PIK3C2G: variants seen among roughly 807,000 people sequenced by gnomAD.
PIK3C2G encodes the protein phosphatidylinositol 3-kinase C2 domain-containing subunit gamma.
Under a neutral mutation model 181.1 loss-of-function variants are expected in PIK3C2G, and 168 were observed. That is an observed-to-expected ratio of 0.93 (90% CI 0.82 to 1.05). The LOEUF is 1.05. PIK3C2G is among the 50% of genes least tolerant of loss of function. PIK3C2G has a pLI of 0.00. For missense variants in PIK3C2G, 1,869 were observed against 1,732.8 expected (o/e 1.08, Z -1.40); for synonymous variants, 573 against 592.2 (o/e 0.97, Z 0.47).
the PIK3C2G span, chr12:18,683,517 G>T: frequency 6.6e-7 from 1 of 1,506,700 alleles, no homozygotes; most frequent in South Asian, 1.2e-5. Context: ...CTTCCTAACT[G>T]CCCAAAACTG....
intron 29 of PIK3C2G, among the ~76,000 whole-genome samples, chr12:18,577,557 A>G (rs1348443857): frequency 6.6e-6 from 1 of 152,232 alleles, no homozygotes; most frequent in African/African-American, 2.4e-5. Context: ...ATCATCAAAC[A>G]TGAAGTACTG....
intron 18 of PIK3C2G, among the ~76,000 whole-genome samples, chr12:18,435,035 G>T (rs1461680020): frequency 1.3e-5 from 2 of 150,330 alleles, no homozygotes; most frequent in Non-Finnish European, 3.0e-5. Flanking sequence ...TATTTATGTA[G>T]CCATGGTATA....
At chr12:18,409,589 A>C (rs1269706695) in intron 16 of PIK3C2G, among the ~76,000 whole-genome samples, 1 of 152,142 alleles carries the variant, frequency 6.6e-6, no homozygotes, top group South Asian at 2.1e-4. Context: ...TTAGGAAGCA[A>C]TGGAAGTAGT....
At chr12:18,652,384 G>T (rs1444522852), downstream of PIK3C2G, among the ~76,000 whole-genome samples, 1 of 152,108 alleles carries the variant, frequency 6.6e-6, no homozygotes, top group Non-Finnish European at 1.5e-5. Flanking sequence ...GTCAAGGAAT[G>T]CTAAAGATTG....
chr12:18,385,786 G>T (rs1347194199), intron 14 of PIK3C2G, among the ~76,000 whole-genome samples: 1 of 151,958 alleles, frequency 6.6e-6, no homozygotes, highest in African/African-American at 2.4e-5. Flanking sequence ...AGTTGGTTTC[G>T]AACTCCTGAC....
At chr12:18,316,329 A>T (rs932131464) in intron 6 of PIK3C2G, among the ~76,000 whole-genome samples, 1 of 152,204 alleles carries the variant, frequency 6.6e-6, no homozygotes, top group South Asian at 2.1e-4. Flanking sequence ...AATGTTGAGA[A>T]AAAAAGGTGA....
At chr12:18,600,050 G>C (rs1565549225) in intron 30 of PIK3C2G, among the ~76,000 whole-genome samples, 1 of 151,690 alleles carries the variant, frequency 6.6e-6, no homozygotes, top group African/African-American at 2.4e-5. Flanking sequence ...AACCTAAGTA[G>C]ATTTATAGAA....
chr12:18,308,874 G>A (rs893660136), intron 5 of PIK3C2G, among the ~76,000 whole-genome samples: 5 of 151,558 alleles, frequency 3.3e-5, no homozygotes, highest in Admixed American at 3.3e-4. Context: ...TAATTTGTGA[G>A]GAATGTAGCA....
intron 1 of PIK3C2G, among the ~76,000 whole-genome samples, chr12:18,272,706 G>GA (rs35917328): frequency 0.45 from 68,669 of 151,826 alleles, 15,788 homozygotes; most frequent in Non-Finnish European, 0.51. Context: ...AAACATATTT[G>GA]TATTAGCTAG....
chr12:18,292,292 A>G (rs1949748892), intron 4 of PIK3C2G, among the ~76,000 whole-genome samples: 1 of 146,622 alleles, frequency 6.8e-6, no homozygotes, highest in African/African-American at 2.5e-5. Flanking sequence ...GAATTTCAGC[A>G]AACAATTAGG....
the PIK3C2G span, among the ~76,000 whole-genome samples, chr12:18,691,567 G>A: frequency 6.6e-6 from 1 of 152,142 alleles, no homozygotes; most frequent in Admixed American, 6.6e-5. Context: ...TCACTTGGAA[G>A]GTAGGGGGTA....
intron 12 of PIK3C2G, among the ~76,000 whole-genome samples, chr12:18,366,522 T>C (rs966938539): frequency 6.6e-6 from 1 of 152,198 alleles, no homozygotes; most frequent in African/African-American, 2.4e-5. Flanking sequence ...AGAGTGAGAT[T>C]CTGTCTCAAA....
chr12:18,704,588 A>G, the PIK3C2G span, among the ~76,000 whole-genome samples: 3 of 152,088 alleles, frequency 2.0e-5, no homozygotes, highest in Non-Finnish European at 4.4e-5. Flanking sequence ...CAGCCTCCCA[A>G]GGTGCTGGGA....
At chr12:18,713,572 C>G in the PIK3C2G span, among the ~76,000 whole-genome samples, 2 of 152,078 alleles carry the variant, frequency 1.3e-5, no homozygotes, top group South Asian at 4.1e-4. Context: ...GGTGAATCAG[C>G]AAATAATCCT....
intron 29 of PIK3C2G, among the ~76,000 whole-genome samples, chr12:18,567,420 A>G (rs1945695169): frequency 1.3e-5 from 2 of 152,128 alleles, no homozygotes; most frequent in African/African-American, 2.4e-5. Flanking sequence ...ATATTTTATG[A>G]TAACATTCTT....
At chr12:18,540,974 C>T (rs527835736) in intron 25 of PIK3C2G, among the ~76,000 whole-genome samples, 4 of 151,964 alleles carry the variant, frequency 2.6e-5, no homozygotes, top group Non-Finnish European at 5.9e-5. Context: ...TCAGGACCAC[C>T]CTTTCTTTGG....
chr12:18,390,423 C>T (rs989608421), intron 14 of PIK3C2G, among the ~76,000 whole-genome samples: 1 of 152,054 alleles, frequency 6.6e-6, no homozygotes. Context: ...ATTTACATAG[C>T]CTGGAACTGT....
chr12:18,507,653 A>G (rs1007894061), intron 24 of PIK3C2G, among the ~76,000 whole-genome samples: 3 of 152,156 alleles, frequency 2.0e-5, no homozygotes, highest in African/African-American at 7.2e-5. Flanking sequence ...AAAAATTCAA[A>G]GATTCAGTTT....
rs573423147 is a variant in PIK3C2G, at chr12:18,636,707, C to T, written c.4183-3722C>T. Among the ~76,000 whole-genome samples, 18 of 152,308 alleles carry T rather than the reference C, an allele frequency of 1.2e-4. No individual in the cohort carries two copies. In the South Asian group the frequency reaches 3.7e-3, roughly 32 times the overall value. On this transcript the variant is annotated intron_variant, in intron 31 of 32. Coordinates refer to ENST00000538779, the MANE Select transcript of PIK3C2G (RefSeq NM_001288772.2). ...TAATCCACTCTCATTCTCCAAGATT[C>T]ATCCATATGGCCAAATAGGCAAATT...
Sources: gnomAD v4.1 joint callset for allele counts (sites outside exome capture counted in the v4.1 genomes callset) on GRCh38, gnomAD v4.1.1 for gene constraint, MANE v1.5 for transcripts, NCBI Gene and HGNC (gene_info 2026-07-23, HGNC 2026-07-21) for gene names.